Variants in BRD1 observed in about 807,000 individuals in gnomAD.
The protein encoded by BRD1 is bromodomain-containing protein 1.
A neutral mutation model predicts 107.7 loss-of-function variants in BRD1; 24 were observed. The observed-to-expected ratio is 0.22, with a 90% CI of 0.16 to 0.31. The LOEUF (loss-of-function observed/expected upper bound fraction) is 0.31, where lower values mean the gene tolerates loss of function less well. BRD1 is among the 10% of genes least tolerant of loss of function. The probability of loss-of-function intolerance (pLI) is 1.00; values close to 1 mark genes in which losing one functional copy is unlikely to be tolerated. For missense variants in BRD1, 1,279 were observed against 1,638.6 expected (o/e 0.78, Z 3.79); for synonymous variants, 744 against 686.1 (o/e 1.08, Z -1.32).
intron 8 of BRD1, among the ~76,000 whole-genome samples, chr22:49,787,184 AG>A (rs1433439500): frequency 6.6e-6 from 1 of 152,146 alleles, no homozygotes; most frequent in Non-Finnish European, 1.5e-5. Flanking sequence ...CGTGGCAAAC[AG>A]GCCCCCCACG....
chr22:49,777,739 G>T lies in BRD1; in HGVS notation c.2932C>A (p.Arg978=), dbSNP rs922209304. The T allele has an allele frequency of 1.2e-6, 2 of 1,606,878 alleles. No individual in the cohort carries two copies. The highest frequency in any genetic ancestry group is 1.7e-6 in the Non-Finnish European group (2 of 1,178,074). ...GGGLGRKATP[R]RRCASESSIS... The stretch of plus-strand genomic sequence containing the variant: ...CTGGACTCGGAGGCACAGCGTCGTC[G>T]GGGTGTGGCCTTCCTCCCCAGGCCG... The change falls in exon 9 of 13, where the codon CGA becomes AGA. Residue 978 remains arginine (R), a synonymous_variant. Transcript: ENST00000404760.
intron 2 of BRD1, among the ~76,000 whole-genome samples, chr22:49,812,360 T>C (rs546076707): frequency 1.3e-5 from 2 of 152,338 alleles, no homozygotes; most frequent in South Asian, 4.1e-4. Context: ...TAGAAATAAA[T>C]CTAATAGACT....
chr22:49,785,854 G>A (rs905666808), intron 8 of BRD1, among the ~76,000 whole-genome samples: 1 of 152,190 alleles, frequency 6.6e-6, no homozygotes, highest in Admixed American at 6.5e-5. Flanking sequence ...TAGGAAGTGA[G>A]CCTCCTTCTG....
At chr22:49,785,823 T>C (rs949765877) in intron 8 of BRD1, among the ~76,000 whole-genome samples, 4 of 152,250 alleles carry the variant, frequency 2.6e-5, no homozygotes, top group African/African-American at 9.6e-5. Flanking sequence ...ACAAGACGCA[T>C]GACCTGCTTG....
intron 6 of BRD1, among the ~76,000 whole-genome samples, chr22:49,795,900 G>A (rs6009877): frequency 3.3e-5 from 5 of 152,266 alleles, no homozygotes; most frequent in South Asian, 4.1e-4. Flanking sequence ...GGAATGTTTC[G>A]GAAAAGGATA....
chr22:49,775,965 C>T (rs1353093892), intron 11 of BRD1, 85 bp downstream of exon 11: 15 of 1,278,150 alleles, frequency 1.2e-5, no homozygotes, highest in East Asian at 5.1e-5. Flanking sequence ...CTTGGACCAC[C>T]GCCGTGAGCC....
intron 2 of BRD1, among the ~76,000 whole-genome samples, chr22:49,814,886 C>T (rs924438361): frequency 6.6e-6 from 1 of 152,248 alleles, no homozygotes; most frequent in African/African-American, 2.4e-5. Flanking sequence ...AGACAGAAAT[C>T]AGCTACACTG....
rs1218461062 is a variant in BRD1, at chr22:49,787,633, C to T, written c.2614G>A (p.Glu872Lys). The change falls in exon 8 of 13, where the codon GAG becomes AAG. Residue 872 changes from glutamate (E) to lysine (K), a missense_variant. By Grantham distance (56) the Glu-to-Lys change is moderately conservative. This residue lies in a region of BRD1 where 263 missense variants were observed against 251.6 expected (regional missense o/e 1.05). Transcript: ENST00000404760. ...CGTCTGTTTACATCGCTTGCTGGCT[C>T]CGCCACCGCGGAGGCCGCCGCCGCC... Reference protein sequence around the residue: ...VPAAAASAVAEPASDVNRRTS... With the variant: ...VPAAAASAVAKPASDVNRRTS... The T allele has an allele frequency of 6.4e-7, 1 of 1,550,782 alleles. No individual in the cohort carries two copies. Among genetic ancestry groups the T allele is most frequent in the African/African-American group, 1.4e-5 (1 of 73,074 alleles).
chr22:49,788,596 G>T (rs2059373540), intron 7 of BRD1, among the ~76,000 whole-genome samples: 1 of 152,222 alleles, frequency 6.6e-6, no homozygotes, highest in Non-Finnish European at 1.5e-5. Flanking sequence ...CCGGAAGTGT[G>T]AAATGGTAAA....
chr22:49,779,558 T>C (rs913500284), intron 8 of BRD1, among the ~76,000 whole-genome samples: 1 of 152,040 alleles, frequency 6.6e-6, no homozygotes, highest in Non-Finnish European at 1.5e-5. Context: ...CTGTGGCCAG[T>C]TGGGGGTGTC....
chr22:49,824,787 T>C lies in BRD1; in HGVS notation c.-14-456A>G, dbSNP rs190616066. The C allele has an allele frequency of 6.5e-4, 661 of 1,015,026 alleles. 7 individuals are homozygous for C. The African/African-American group carries it at 8.8e-3, about 13-fold the overall frequency. 62.9% of individuals were successfully genotyped at this position (1,015,026 alleles called of 1,614,324 possible). Reference sequence around the variant, plus strand: ...CCACCAGACAGGCATGCTCAGTGGCTACCTGGTCCTATCGGATGCTCCCCC... The same window carrying C: ...CCACCAGACAGGCATGCTCAGTGGCCACCTGGTCCTATCGGATGCTCCCCC... On this transcript the variant is annotated intron_variant, in intron 1 of 12. Coordinates refer to ENST00000404760, the MANE Select transcript of BRD1 (RefSeq NM_001304808.3). This position sits in a 1 kb window ranked among gnomAD's most constrained non-coding sequence, Gnocchi z 5.9.
chr22:49,793,066 G>A (rs1037825874), intron 7 of BRD1, among the ~76,000 whole-genome samples: 1 of 152,202 alleles, frequency 6.6e-6, no homozygotes, highest in Non-Finnish European at 1.5e-5. Context: ...CAGGGGAAGG[G>A]CAAGAAGGCT....
chr22:49,825,210 C>T (rs887081387), intron 1 of BRD1, among the ~76,000 whole-genome samples: 3 of 152,142 alleles, frequency 2.0e-5, no homozygotes, highest in East Asian at 3.9e-4. Flanking sequence ...ACATGCATGA[C>T]GCCAAAGGGA....
intron 2 of BRD1, among the ~76,000 whole-genome samples, chr22:49,808,569 G>A (rs1374917832): frequency 2.0e-5 from 3 of 152,150 alleles, no homozygotes; most frequent in African/African-American, 7.2e-5. Flanking sequence ...TTCAGACTGG[G>A]AAGACAAAAA....
chr22:49,790,730 C>G (rs1353434833), intron 7 of BRD1, among the ~76,000 whole-genome samples: 8 of 152,250 alleles, frequency 5.3e-5, no homozygotes, highest in African/African-American at 1.9e-4. Flanking sequence ...CCTCCAACAA[C>G]CCTGCCTCAA....
chr22:49,808,685 G>A (rs996392077), intron 2 of BRD1, among the ~76,000 whole-genome samples: 5 of 152,210 alleles, frequency 3.3e-5, no homozygotes, highest in African/African-American at 1.2e-4. Flanking sequence ...TACATTTTAT[G>A]TTATGTGTAC....
chr22:49,791,150 T>C (rs1383913411), intron 7 of BRD1, among the ~76,000 whole-genome samples: 1 of 152,216 alleles, frequency 6.6e-6, no homozygotes, highest in Non-Finnish European at 1.5e-5. Context: ...AGCTGTGGCG[T>C]GGCCCCCACC....
chr22:49,779,660 CT>C (rs2059166163), intron 8 of BRD1, among the ~76,000 whole-genome samples: 1 of 152,156 alleles, frequency 6.6e-6, no homozygotes. Flanking sequence ...GCTCCACATG[CT>C]CCCCATACTC....
intron 4 of BRD1, 76 bp downstream of exon 4, chr22:49,798,912 T>A (rs2059587599): frequency 1.3e-6 from 2 of 1,520,144 alleles, no homozygotes; most frequent in Admixed American, 2.0e-5. Context: ...CAGCCCACCC[T>A]CTGCAGGAGC....
Sources: allele counts gnomAD v4.1 joint callset (sites outside exome capture counted in the v4.1 genomes callset), GRCh38; gene constraint gnomAD v4.1.1; regional missense constraint gnomAD v4.1.1; non-coding constraint Gnocchi (gnomAD v3.1); transcripts MANE v1.5; gene names NCBI Gene and HGNC (gene_info 2026-07-23, HGNC 2026-07-21).